Variants in LRP1B observed in about 807,000 individuals in gnomAD.
LRP1B encodes the protein low-density lipoprotein receptor-related protein 1B.
Under a neutral mutation model 556.6 loss-of-function variants are expected in LRP1B, and 217 were observed. The observed-to-expected ratio is 0.39, with a 90% CI of 0.35 to 0.44. LRP1B has a LOEUF of 0.44. LRP1B is among the 20% of genes least tolerant of loss of function. The probability of loss-of-function intolerance (pLI) is 1.00; values close to 1 mark genes in which losing one functional copy is unlikely to be tolerated. For synonymous variants in LRP1B, 2,047 were observed against 1,865.8 expected (o/e 1.10, Z -2.50); for missense variants, 5,053 against 5,620.8 (o/e 0.90, Z 3.23).
In LRP1B at chr2:140,495,574, A is replaced by C; in HGVS notation, c.9025T>G (p.Ser3009Ala). 1.3e-6 allele frequency: 2 copies of C among 1,582,566 alleles called. No individual in the cohort carries two copies. The highest frequency in any genetic ancestry group is 1.7e-6 in the Non-Finnish European group (2 of 1,156,074). Residue 3009 changes from serine to alanine, a missense_variant, in exon 56 of 91, where the codon TCG becomes GCG. Coordinates refer to ENST00000389484, the MANE Select transcript of LRP1B (RefSeq NM_018557.3). ...IQPDNPNGCK[S>A]LSDEEPFLIL... is the part of the protein sequence containing the mutation. Reference sequence around the variant, plus strand: ...AAGTTCAATTCGATACCTGAGAGCGATTTGCAGCCATTTGGGTTATCAGGT... The same window carrying C: ...AAGTTCAATTCGATACCTGAGAGCGCTTTGCAGCCATTTGGGTTATCAGGT...
chr2:140,662,383 G>T (rs1400454986), intron 41 of LRP1B, among the ~76,000 whole-genome samples: 1 of 151,936 alleles, frequency 6.6e-6, no homozygotes, highest in African/African-American at 2.4e-5. Context: ...ATACATAGCT[G>T]GTATTAACAC....
intron 6 of LRP1B, among the ~76,000 whole-genome samples, chr2:141,207,890 G>C (rs896661331): frequency 2.0e-5 from 3 of 152,318 alleles, no homozygotes; most frequent in African/African-American, 7.2e-5. Flanking sequence ...TGACCAGGCT[G>C]ATCTTGAACT....
At chr2:141,424,467 T>A (rs900414759) in intron 3 of LRP1B, among the ~76,000 whole-genome samples, 12 of 152,178 alleles carry the variant, frequency 7.9e-5, no homozygotes, top group African/African-American at 2.7e-4. Context: ...ACTTTTAACC[T>A]CTAGGACATT....
intron 15 of LRP1B, among the ~76,000 whole-genome samples, chr2:141,004,310 C>T (rs923457050): frequency 1.3e-5 from 2 of 152,100 alleles, no homozygotes; most frequent in Non-Finnish European, 2.9e-5. Flanking sequence ...GTGAAGTAGA[C>T]TGCCCTCAGT....
intron 41 of LRP1B, among the ~76,000 whole-genome samples, chr2:140,670,565 C>A (rs892109176): frequency 6.6e-6 from 1 of 152,108 alleles, no homozygotes; most frequent in African/African-American, 2.4e-5. Context: ...GAAGGCTAGA[C>A]CCTGCAGAGG....
chr2:141,886,155 T>A (rs1249313595), intron 1 of LRP1B, among the ~76,000 whole-genome samples: 1 of 152,228 alleles, frequency 6.6e-6, no homozygotes, highest in East Asian at 1.9e-4. Context: ...CACTATTACC[T>A]AAGCATTGGA....
intron 32 of LRP1B, among the ~76,000 whole-genome samples, chr2:140,809,856 A>G (rs1690856650): frequency 6.6e-6 from 1 of 152,088 alleles, no homozygotes; most frequent in Admixed American, 6.6e-5. Flanking sequence ...GTGTCCTCAT[A>G]ACATGTCAGC....
Position 140,612,759 on chromosome 2 carries a change from C to T in LRP1B, c.6800-11120G>A, listed in dbSNP as rs1683113191. On this transcript the variant is annotated intron_variant, in intron 41 of 90. Transcript: ENST00000389484. ...AACAACAAAGTCAACAATTTTAATACTGTCTTACTATTAGTGTCAACTCTT... is the reference window on the plus strand; with the variant it reads ...AACAACAAAGTCAACAATTTTAATATTGTCTTACTATTAGTGTCAACTCTT... Among the ~76,000 whole-genome samples the T allele has an allele frequency of 2.6e-5, 4 of 152,152 alleles. No homozygotes were observed. The South Asian group carries it at 8.3e-4, about 31-fold the overall frequency.
rs866064452 is a variant in LRP1B at position 141,237,355 on chromosome 2, T to G, written c.593-7915A>C. On this transcript the variant is annotated intron_variant, in intron 5 of 90. Transcript: ENST00000389484. Reference sequence around the variant, plus strand: ...CTTGTTTTGTTTTGTGTTCTAGTGTTTTTTTTTTTTTTTTTTAATTCTGAT... The same window carrying G: ...CTTGTTTTGTTTTGTGTTCTAGTGTGTTTTTTTTTTTTTTTTAATTCTGAT... Among the ~76,000 whole-genome samples, 261 of 84,080 alleles carry G rather than the reference T, an allele frequency of 3.1e-3. 1 individual carries two copies. The highest frequency in any genetic ancestry group is 7.1e-3 in the African/African-American group (224 of 31,616). 55.2% of individuals were successfully genotyped at this position (84,080 alleles called of 152,430 possible).
intron 1 of LRP1B, among the ~76,000 whole-genome samples, chr2:142,044,168 C>A (rs1172554379): frequency 6.6e-6 from 1 of 151,644 alleles, no homozygotes; most frequent in Non-Finnish European, 1.5e-5. Context: ...AATGAGTAAT[C>A]CTTTTTTGCT....
intron 20 of LRP1B, among the ~76,000 whole-genome samples, chr2:140,939,008 A>G (rs909040138): frequency 2.0e-5 from 3 of 152,086 alleles, no homozygotes; most frequent in African/African-American, 7.2e-5. Context: ...GAAAATGATT[A>G]CATTGTACTA....
At chr2:141,740,052 C>T (rs942971424) in intron 2 of LRP1B, among the ~76,000 whole-genome samples, 9 of 151,906 alleles carry the variant, frequency 5.9e-5, no homozygotes, top group Non-Finnish European at 7.4e-5. Context: ...AAGAGGTTTG[C>T]GAATCCTTGG....
Position 140,233,360 on chromosome 2 carries a change from A to T in LRP1B, c.13660-34T>A, listed in dbSNP as rs2104871324. On this transcript the variant is annotated intron_variant, in intron 90 of 90. Coordinates refer to ENST00000389484, the MANE Select transcript of LRP1B (RefSeq NM_018557.3). ...GAAAAAAAATAAATATAATTTTATT[A>T]CTGGTCTTGGCCACATTAATTATTT... The T allele has an allele frequency of 2.0e-6, 3 of 1,495,988 alleles. No homozygotes were observed. In the East Asian group the frequency reaches 7.2e-5, roughly 36 times the overall value. The allele number at this position is 1,495,988 out of a possible 1,614,324, so 92.7% of individuals were successfully genotyped here. A position where few individuals can be genotyped will look rare whatever the true frequency, so the allele number is the denominator to read the frequency against.
At chr2:141,174,843 C>A (rs1201454832) in intron 7 of LRP1B, among the ~76,000 whole-genome samples, 6 of 151,990 alleles carry the variant, frequency 3.9e-5, no homozygotes, top group African/African-American at 1.4e-4. Flanking sequence ...ACTGGAACTT[C>A]CTAGAGACTT....
chr2:141,467,848 G>GGGGCGGA (rs1682303928), intron 3 of LRP1B, among the ~76,000 whole-genome samples: 1 of 102,626 alleles, frequency 9.7e-6, no homozygotes, highest in Non-Finnish European at 2.1e-5. Context: ...CCGGGGGGGG[G>GGGGCGGA]GGAATTCCAG....
At chr2:141,205,570 G>A (rs1682240024) in intron 6 of LRP1B, among the ~76,000 whole-genome samples, 1 of 152,022 alleles carries the variant, frequency 6.6e-6, no homozygotes, top group Non-Finnish European at 1.5e-5. Flanking sequence ...ATTCCCCATG[G>A]CATTTTGCAG....
chr2:141,855,520 G>A (rs796626707), intron 1 of LRP1B, among the ~76,000 whole-genome samples: 5 of 152,202 alleles, frequency 3.3e-5, no homozygotes, highest in African/African-American at 1.2e-4. Context: ...CATGCTTTAG[G>A]TGAGTGATTT....
chr2:140,849,042 G>C (rs1477295257), intron 29 of LRP1B, among the ~76,000 whole-genome samples: 5 of 151,790 alleles, frequency 3.3e-5, no homozygotes, highest in Non-Finnish European at 7.4e-5. Context: ...ATGTGCAAAG[G>C]GAAGTTGCTT....
At chr2:141,720,569 T>C (rs1431345826) in intron 2 of LRP1B, among the ~76,000 whole-genome samples, 1 of 152,070 alleles carries the variant, frequency 6.6e-6, no homozygotes, top group African/African-American at 2.4e-5. Context: ...TGACTAACTT[T>C]ATGTTTTTCC....
Sources: allele counts gnomAD v4.1 joint callset (sites outside exome capture counted in the v4.1 genomes callset), GRCh38; gene constraint gnomAD v4.1.1; transcripts MANE v1.5; gene names NCBI Gene and HGNC (gene_info 2026-07-23, HGNC 2026-07-21).